DNAJC12: variants seen among roughly 807,000 people sequenced by gnomAD.
DNAJC12 encodes the protein dnaJ homolog subfamily C member 12.
In DNAJC12, 25 loss-of-function variants were observed where a neutral mutation model predicts 28.5. The ratio of observed to expected loss-of-function variants is 0.88; its 90% CI spans 0.64 to 1.22. DNAJC12 has a LOEUF of 1.22. DNAJC12 is among the 50% of genes most tolerant of loss of function. The probability of loss-of-function intolerance (pLI) is 0.00; values close to 1 mark genes in which losing one functional copy is unlikely to be tolerated. For synonymous variants in DNAJC12, 77 were observed against 80.6 expected (o/e 0.95, Z 0.24); for missense variants, 222 against 231.7 (o/e 0.96, Z 0.27).
chr10:67,816,467 T>C (rs1200083407), intron 2 of DNAJC12, among the ~76,000 whole-genome samples: 1 of 151,710 alleles, frequency 6.6e-6, no homozygotes, highest in Non-Finnish European at 1.5e-5. Flanking sequence ...CTTCTTCTAA[T>C]ATCCAAATGT....
chr10:67,833,859 G>T lies in DNAJC12; in HGVS notation c.78+4075C>A, dbSNP rs1842117735. On this transcript the variant is annotated intron_variant, in intron 1 of 4. Transcript: ENST00000225171. ...AGCCATGGAGCACATGGAGCCTCAA[G>T]TAAAGCAAGTTTTTCAAAGTCTATC... 2.5e-5 allele frequency: 12 copies of T among 487,950 alleles called. 1 individual carries two copies. The highest frequency in any genetic ancestry group is 1.8e-4 in the South Asian group (12 of 66,414). 30.2% of individuals were successfully genotyped at this position (487,950 alleles called of 1,614,324 possible).
chr10:67,812,564 C>T (rs1841871115), intron 2 of DNAJC12, among the ~76,000 whole-genome samples: 1 of 152,002 alleles, frequency 6.6e-6, no homozygotes, highest in South Asian at 2.1e-4. Context: ...TATATACAGG[C>T]CGGGTGCAGT....
chr10:67,833,825 T>C (rs544930603), intron 1 of DNAJC12: 45 of 503,128 alleles, frequency 8.9e-5, no homozygotes, highest in South Asian at 6.5e-4. Flanking sequence ...CAGGCCATTA[T>C]GTTTTGCAAG....
intron 1 of DNAJC12, among the ~76,000 whole-genome samples, chr10:67,830,981 A>G (rs542142286): frequency 4.6e-5 from 7 of 152,294 alleles, no homozygotes; most frequent in African/African-American, 1.7e-4. Flanking sequence ...GAGGTCAGGA[A>G]TTGGAGACCA....
chr10:67,823,203 G>T, intron 2 of DNAJC12, 111 bp downstream of exon 2: 2 of 838,484 alleles, frequency 2.4e-6, no homozygotes, highest in South Asian at 3.3e-5. Flanking sequence ...GAAAGAATAC[G>T]GTTGAGCATA....
At chr10:67,822,819 C>T (rs550741232) in intron 2 of DNAJC12, among the ~76,000 whole-genome samples, 4 of 151,160 alleles carry the variant, frequency 2.6e-5, no homozygotes, top group Non-Finnish European at 5.9e-5. Context: ...GAAACCCTGC[C>T]TACTAAAAAA....
At chr10:67,815,798 C>T (rs565245857) in intron 2 of DNAJC12, among the ~76,000 whole-genome samples, 122 of 152,314 alleles carry the variant, frequency 8.0e-4, no homozygotes, top group South Asian at 1.9e-3. Context: ...TCTCTTTTCA[C>T]ATCATTGTTG....
At chr10:67,831,647 T>C (rs1162844952) in intron 1 of DNAJC12, among the ~76,000 whole-genome samples, 1 of 152,216 alleles carries the variant, frequency 6.6e-6, no homozygotes, top group Non-Finnish European at 1.5e-5. Flanking sequence ...GCTGCACTTA[T>C]AGACAGTACA....
At chr10:67,817,269 T>C (rs553387968) in intron 2 of DNAJC12, among the ~76,000 whole-genome samples, 3 of 152,232 alleles carry the variant, frequency 2.0e-5, no homozygotes, top group African/African-American at 7.2e-5. Flanking sequence ...AGTCTACCTG[T>C]TTTACCTACG....
At chr10:67,819,780 GGAAGGAAGGAAGGAAGGAAGGAAGGA>G (rs1459108792) in intron 2 of DNAJC12, among the ~76,000 whole-genome samples, 11 of 1,492 alleles carry the variant, frequency 7.4e-3, no homozygotes, top group African/African-American at 0.011. Context: ...GGAAGGAAGG[GGAAGGAAGGAAGGAAGGAAGGAAGGA>G]AGGAAGGAAG....
At chr10:67,815,508 C>CAAAAAAAAAAAA (rs762037586) in intron 2 of DNAJC12, among the ~76,000 whole-genome samples, 5 of 65,768 alleles carry the variant, frequency 7.6e-5, no homozygotes, top group African/African-American at 1.1e-4. Flanking sequence ...TACTTCGTCT[C>CAAAAAAAAAAAA]AAAAAAAAAA....
chr10:67,833,166 C>T (rs1426395121), intron 1 of DNAJC12, among the ~76,000 whole-genome samples: 1 of 152,182 alleles, frequency 6.6e-6, no homozygotes, highest in African/African-American at 2.4e-5. Flanking sequence ...ATTAGGAAAA[C>T]TGATGAAATT....
chr10:67,798,907 G>A (rs1404419072), intron 4 of DNAJC12, among the ~76,000 whole-genome samples: 3 of 152,018 alleles, frequency 2.0e-5, no homozygotes, highest in Non-Finnish European at 4.4e-5. Flanking sequence ...TGGGATTACA[G>A]GCATGAGCCA....
chr10:67,813,761 A>C (rs1841886523), intron 2 of DNAJC12, among the ~76,000 whole-genome samples: 1 of 147,420 alleles, frequency 6.8e-6, no homozygotes, highest in Non-Finnish European at 1.5e-5. Flanking sequence ...CTGTCTCAAA[A>C]GAAAAAAAAA....
chr10:67,805,913 G>A, intron 3 of DNAJC12, 126 bp from the exon 4 acceptor site: 1 of 639,032 alleles, frequency 1.6e-6, no homozygotes. Flanking sequence ...TGTTAGACTT[G>A]ACTATTAACA....
At chr10:67,812,438 C>G (rs1456833364) in intron 2 of DNAJC12, among the ~76,000 whole-genome samples, 2 of 152,220 alleles carry the variant, frequency 1.3e-5, no homozygotes, top group Non-Finnish European at 2.9e-5. Context: ...TGTCACTAAT[C>G]TACTTGACCA....
In DNAJC12 at chr10:67,837,934, C is replaced by T. The variant is rs1409943805; in HGVS notation, c.78G>A (p.Ser26=). The T allele has an allele frequency of 5.7e-6, 9 of 1,586,206 alleles. No individual in the cohort carries two copies. The highest frequency in any genetic ancestry group is 7.8e-6 in the Non-Finnish European group (9 of 1,160,726). ...ATAAAAATATTATCCACTGTCTTAC[C>T]GAAGATAGTTCATCACATCCCAGTA... ...YTLLGCDELS[S]VEQILAEFKV... The change falls in exon 1 of 5, where the codon TCG becomes TCA. Residue 26 remains serine (S), a splice_region_variant and synonymous_variant. Transcript: ENST00000225171.
intron 2 of DNAJC12, among the ~76,000 whole-genome samples, chr10:67,813,730 C>A (rs1841886061): frequency 6.6e-6 from 1 of 150,658 alleles, no homozygotes; most frequent in African/African-American, 2.4e-5. Context: ...TACACTCCTG[C>A]CTGGGTGACA....
rs189322680 is a variant in DNAJC12, at chr10:67,834,808, G to A, written c.78+3126C>T. Among the ~76,000 whole-genome samples the A allele has an allele frequency of 5.5e-3, 831 of 152,212 alleles. 30 individuals are homozygous for A. The highest frequency in any genetic ancestry group is 0.051 in the Admixed American group (779 of 15,288). Reference sequence around the variant, plus strand: ...TGCACTCCAGCCTGGGCAACACAGTGAGACTTCATCTCAAAGAAACAAAAA... The same window carrying A: ...TGCACTCCAGCCTGGGCAACACAGTAAGACTTCATCTCAAAGAAACAAAAA... On this transcript the variant is annotated intron_variant, in intron 1 of 4. Transcript: ENST00000225171.
Sources: gnomAD v4.1 joint callset for allele counts (sites outside exome capture counted in the v4.1 genomes callset) on GRCh38, gnomAD v4.1.1 for gene constraint, MANE v1.5 for transcripts, NCBI Gene and HGNC (gene_info 2026-07-23, HGNC 2026-07-21) for gene names.